The following NFIA variants were observed in gnomAD, a reference collection of about 807,000 sequenced individuals.
NFIA encodes the protein nuclear factor 1 A-type.
NFIA carries 8 observed loss-of-function variants against 62.8 expected under a neutral mutation model. The ratio of observed to expected loss-of-function variants is 0.13; its 90% CI spans 0.07 to 0.23. The LOEUF (loss-of-function observed/expected upper bound fraction) is 0.23. Among genes scored for constraint, NFIA ranks in the 10% least tolerant of loss-of-function variants. NFIA has a pLI of 1.00. For missense variants in NFIA, 410 were observed against 642.1 expected (o/e 0.64, Z 3.91); for synonymous variants, 235 against 238.1 (o/e 0.99, Z 0.12).
At chr1:61,429,768 A>C (rs900448034) in intron 10 of NFIA, among the ~76,000 whole-genome samples, 1 of 152,242 alleles carries the variant, frequency 6.6e-6, no homozygotes, top group African/African-American at 2.4e-5. Context: ...CATATGCCAC[A>C]ACGTGGATGA....
chr1:61,275,888 T>C (rs1657777842), intron 2 of NFIA, among the ~76,000 whole-genome samples: 1 of 152,134 alleles, frequency 6.6e-6, no homozygotes, highest in Admixed American at 6.5e-5. Flanking sequence ...ATATATAATA[T>C]TAATTTATGT....
At chr1:61,140,675 C>T (rs1570248616) in intron 2 of NFIA, among the ~76,000 whole-genome samples, 1 of 152,058 alleles carries the variant, frequency 6.6e-6, no homozygotes, top group East Asian at 1.9e-4. Context: ...TGGGAAAGCT[C>T]CTTCCAAAAG....
intron 2 of NFIA, among the ~76,000 whole-genome samples, chr1:61,091,826 C>T (rs1646325578): frequency 1.3e-5 from 2 of 151,622 alleles, no homozygotes; most frequent in African/African-American, 2.4e-5. Flanking sequence ...GGCACTCAAC[C>T]GAGAAGTTTC....
At chr1:61,441,331 G>GTGTGTGTGTGTGTGTGTCTGTC (rs1360188951) in intron 10 of NFIA, among the ~76,000 whole-genome samples, 1 of 142,346 alleles carries the variant, frequency 7.0e-6, no homozygotes, top group African/African-American at 2.7e-5. Context: ...GTGTGTGTGT[G>GTGTGTGTGTGTGTGTGTCTGTC]TGTCTGTCTG....
intron 7 of NFIA, among the ~76,000 whole-genome samples, chr1:61,399,129 A>T (rs1175665308): frequency 6.6e-6 from 1 of 152,208 alleles, no homozygotes; most frequent in Non-Finnish European, 1.5e-5. Flanking sequence ...AGAACATCTT[A>T]TTTCTGAAGA....
At chr1:61,191,749 G>A (rs1473131118) in intron 2 of NFIA, among the ~76,000 whole-genome samples, 7 of 152,054 alleles carry the variant, frequency 4.6e-5, no homozygotes, top group Non-Finnish European at 1.0e-4. Flanking sequence ...GGGGGTGGTT[G>A]CACTAATCAG....
intron 6 of NFIA, among the ~76,000 whole-genome samples, chr1:61,375,190 A>G (rs1664089243): frequency 1.3e-5 from 2 of 152,236 alleles, no homozygotes; most frequent in Middle Eastern, 3.2e-3. Flanking sequence ...AGAGTGCAGT[A>G]TAGCTCTGCA....
intron 2 of NFIA, among the ~76,000 whole-genome samples, chr1:61,131,513 C>CTT (rs760243611): frequency 5.3e-5 from 8 of 152,106 alleles, no homozygotes; most frequent in Non-Finnish European, 1.0e-4. Flanking sequence ...AATGTCTAAG[C>CTT]TACAGACATA....
intron 2 of NFIA, among the ~76,000 whole-genome samples, chr1:61,255,596 A>G (rs1267495735): frequency 6.6e-6 from 1 of 152,244 alleles, no homozygotes; most frequent in East Asian, 1.9e-4. Context: ...ATGTGGTCAC[A>G]TTAAAAGTAT....
At chr1:61,333,918 C>G (rs1407010784) in intron 4 of NFIA, among the ~76,000 whole-genome samples, 1 of 152,102 alleles carries the variant, frequency 6.6e-6, no homozygotes, top group Non-Finnish European at 1.5e-5. Context: ...GACAATTGCT[C>G]GAACCCGGAG....
intron 2 of NFIA, among the ~76,000 whole-genome samples, chr1:61,224,172 T>C (rs909305516): frequency 4.6e-5 from 7 of 152,058 alleles, no homozygotes; most frequent in African/African-American, 1.7e-4. Context: ...TTTAAAAATA[T>C]ATTTAAAATT....
chr1:61,443,780 T>TAG lies in NFIA; in HGVS notation c.1513-11523_1513-11522insAG, dbSNP rs1197954269. Among the ~76,000 whole-genome samples the TAG allele has an allele frequency of 2.0e-5, 3 of 152,166 alleles. No homozygotes were observed. In the East Asian group the frequency reaches 5.8e-4, roughly 29 times the overall value. On this transcript the variant is annotated intron_variant, in intron 10 of 10. Coordinates refer to ENST00000403491, the MANE Select transcript of NFIA (RefSeq NM_001134673.4). ...TTGGTGCTCTTTCTCCTGTGCCCTTTCCATTTCTGCCCATGAAGATGATGG... is the reference window on the plus strand; with the variant it reads ...TTGGTGCTCTTTCTCCTGTGCCCTTTAGCCATTTCTGCCCATGAAGATGATGG...
chr1:61,211,965 G>A (rs559409818), intron 2 of NFIA, among the ~76,000 whole-genome samples: 71 of 152,266 alleles, frequency 4.7e-4, no homozygotes, highest in African/African-American at 1.7e-3. Context: ...CAAAGTGCTG[G>A]GATTGGTTGC....
chr1:61,453,253 TG>T (rs1668139922), intron 10 of NFIA, among the ~76,000 whole-genome samples: 1 of 152,008 alleles, frequency 6.6e-6, no homozygotes, highest in Non-Finnish European at 1.5e-5. Context: ...TAGTCACGTC[TG>T]GGTCTGTCTG....
At chr1:61,185,267 T>C (rs1294917507) in intron 2 of NFIA, among the ~76,000 whole-genome samples, 1 of 152,222 alleles carries the variant, frequency 6.6e-6, no homozygotes, top group African/African-American at 2.4e-5. Context: ...AGATAGGTAG[T>C]AGTCTTCTGA....
chr1:61,088,328 G>C lies in NFIA; in HGVS notation c.207G>C (p.Gln69His). The change falls in exon 2 of 11, where the codon CAG (glutamine) becomes CAC (histidine). Residue 69 changes from glutamine to histidine, a missense_variant. Physicochemically the swap from Gln to His is conservative, Grantham distance 24. Coordinates refer to ENST00000403491, the MANE Select transcript of NFIA (RefSeq NM_001134673.4). This position sits in a 1 kb window ranked among gnomAD's most constrained non-coding sequence, Gnocchi z 4.5. ...ELLSEKPEVK[Q>H]KWASRLLAKL... ...TAAGTGAAAAACCAGAGGTCAAGCAGAAGTGGGCATCTCGACTTCTGGCAA... is the reference window on the plus strand; with the variant it reads ...TAAGTGAAAAACCAGAGGTCAAGCACAAGTGGGCATCTCGACTTCTGGCAA... The C allele has an allele frequency of 6.2e-7, 1 of 1,613,484 alleles. No individual in the cohort carries two copies. Among genetic ancestry groups the C allele is most frequent in the Non-Finnish European group, 8.5e-7 (1 of 1,179,906 alleles).
Position 61,099,569 on chromosome 1 carries a change from T to G in NFIA, c.559+10889T>G, listed in dbSNP as rs570778966. On this transcript the variant is annotated intron_variant, in intron 2 of 10. Coordinates refer to ENST00000403491, the MANE Select transcript of NFIA (RefSeq NM_001134673.4). ...TTGGTTTTGCATTTTTTAAAAAAAT[T>G]TTTTGGTCCTTTTTAACTTTTCCAA... 3.9e-5 allele frequency among the ~76,000 whole-genome samples: 6 copies of G among 152,286 alleles called. No individual in the cohort carries two copies. The South Asian group carries it at 1.2e-3, about 32-fold the overall frequency.
At chr1:61,397,011 A>AAAAT (rs1553181923) in intron 7 of NFIA, among the ~76,000 whole-genome samples, 1 of 151,568 alleles carries the variant, frequency 6.6e-6, no homozygotes, top group East Asian at 1.9e-4. Flanking sequence ...CCAAAAAAAA[A>AAAAT]AATAATAATA....
rs1668560983 is a variant in NFIA, at chr1:61,462,044, G to GT, written c.*6724_*6725insT. ...TTTGGGTTTTTTTTTTTTTTTTTTG[G>GT]CTTTTTTTTTTGTTTGTTTTTTTTT... On this transcript the variant is annotated 3_prime_UTR_variant, in exon 11 of 11. Coordinates refer to ENST00000403491, the MANE Select transcript of NFIA (RefSeq NM_001134673.4). 3.4e-5 allele frequency: 2 copies of GT among 59,268 alleles called. No homozygotes were observed. Among genetic ancestry groups the GT allele is most frequent in the East Asian group, 4.2e-4 (1 of 2,356 alleles). The allele number at this position is 59,268 out of a possible 1,614,324, so 3.7% of individuals were successfully genotyped here. A position where few individuals can be genotyped will look rare whatever the true frequency, so the allele number is the denominator to read the frequency against.
Sources: gnomAD v4.1 joint callset for allele counts (sites outside exome capture counted in the v4.1 genomes callset) on GRCh38, gnomAD v4.1.1 for gene constraint, Gnocchi (gnomAD v3.1) non-coding constraint, MANE v1.5 for transcripts, NCBI Gene and HGNC (gene_info 2026-07-23, HGNC 2026-07-21) for gene names.